SEMA5A: variants seen among roughly 807,000 people sequenced by gnomAD.
The protein encoded by SEMA5A is semaphorin 5A.
SEMA5A carries 55 observed loss-of-function variants against 135.5 expected under a neutral mutation model. The observed-to-expected ratio is 0.41, with a 90% CI of 0.33 to 0.51. SEMA5A has a LOEUF of 0.51. Among genes scored for constraint, SEMA5A ranks in the 20% least tolerant of loss-of-function variants. The pLI, the probability that SEMA5A is intolerant of heterozygous loss-of-function variation, is 0.37. For synonymous variants in SEMA5A, 580 were observed against 546.5 expected (o/e 1.06, Z -0.85); for missense variants, 1,290 against 1,419.9 (o/e 0.91, Z 1.47).
At chr5:9,346,748 C>T (rs907741609) in intron 3 of SEMA5A, among the ~76,000 whole-genome samples, 2 of 152,160 alleles carry the variant, frequency 1.3e-5, no homozygotes, top group African/African-American at 4.8e-5. Flanking sequence ...TTGCACACTC[C>T]CTCCCACAGG....
chr5:9,468,031 C>T (rs1173885546), intron 1 of SEMA5A, among the ~76,000 whole-genome samples: 2 of 152,122 alleles, frequency 1.3e-5, no homozygotes, highest in Non-Finnish European at 2.9e-5. Flanking sequence ...AGAGGACTTG[C>T]TCAGGGCTAC....
intron 5 of SEMA5A, among the ~76,000 whole-genome samples, chr5:9,252,085 T>C (rs1748826309): frequency 6.6e-6 from 1 of 152,200 alleles, no homozygotes; most frequent in Admixed American, 6.5e-5. Context: ...GATTCCTAAT[T>C]CCTTCCTGTC....
chr5:9,106,867 A>G (rs1164877448), intron 16 of SEMA5A, among the ~76,000 whole-genome samples: 1 of 152,228 alleles, frequency 6.6e-6, no homozygotes, highest in Non-Finnish European at 1.5e-5. Context: ...GTACTAGACT[A>G]TATGAGAGCT....
At chr5:9,434,360 T>G in intron 2 of SEMA5A, among the ~76,000 whole-genome samples, 1 of 152,136 alleles carries the variant, frequency 6.6e-6, no homozygotes, top group Non-Finnish European at 1.5e-5. Flanking sequence ...AATAGAGGCA[T>G]TATAGTTGAA....
chr5:9,427,267 C>T (rs1428973377), intron 2 of SEMA5A, among the ~76,000 whole-genome samples: 18 of 151,812 alleles, frequency 1.2e-4, no homozygotes, highest in African/African-American at 3.1e-4. Flanking sequence ...GCCGAGATCC[C>T]GCCACTGCTC....
rs1001461459 is a variant in SEMA5A, at chr5:9,535,563, T to C, written c.-175+10021A>G. Among the ~76,000 whole-genome samples, 4 of 118,210 alleles carry C rather than the reference T, an allele frequency of 3.4e-5. No homozygotes were observed. The East Asian group carries it at 9.4e-4, about 28-fold the overall frequency. The allele number at this position is 118,210 out of a possible 152,430, so 77.6% of individuals were successfully genotyped here. ...TAGAAAAAAATACTAGTTTAAAGTA[T>C]GTGTTGTTTAAAAAAAAAATGCAGG... On this transcript the variant is annotated intron_variant, in intron 1 of 22. Coordinates refer to ENST00000382496, the MANE Select transcript of SEMA5A (RefSeq NM_003966.3).
chr5:9,438,965 G>T (rs1023755851), intron 1 of SEMA5A, among the ~76,000 whole-genome samples: 2 of 152,214 alleles, frequency 1.3e-5, no homozygotes, highest in African/African-American at 4.8e-5. Context: ...ACAGGTCAAG[G>T]TGGCACTGCC....
At position 9,162,139 on chromosome 5, in the gene SEMA5A, C is replaced by A. The variant is rs552836729; in HGVS notation, c.1274-7444G>T. 2.0e-3 allele frequency among the ~76,000 whole-genome samples: 303 copies of A among 152,146 alleles called. 2 individuals carry two copies. The highest frequency in any genetic ancestry group is 2.4e-3 in the Non-Finnish European group (166 of 68,002). ...TTGCTTTGTAGAGTTTTCTATCTAC[C>A]AAGAAGTCAAGTTAGTTCCTACTTT... On this transcript the variant is annotated intron_variant, in intron 11 of 22. Coordinates refer to ENST00000382496, the MANE Select transcript of SEMA5A (RefSeq NM_003966.3).
At chr5:9,380,771 TG>T (rs1291432293) in intron 2 of SEMA5A, among the ~76,000 whole-genome samples, 18 of 152,308 alleles carry the variant, frequency 1.2e-4, no homozygotes, top group African/African-American at 3.4e-4. Flanking sequence ...TAATCCAAGC[TG>T]TTAGCAAACC....
chr5:9,193,925 C>T (rs915620160), intron 10 of SEMA5A, among the ~76,000 whole-genome samples: 1 of 152,128 alleles, frequency 6.6e-6, no homozygotes, highest in South Asian at 2.1e-4. Flanking sequence ...AACAAATCTG[C>T]TTTGCATATC....
chr5:9,162,382 ATG>A (rs1221606161), intron 11 of SEMA5A, among the ~76,000 whole-genome samples: 55,912 of 128,922 alleles, frequency 0.43, 11,822 homozygotes, highest in Non-Finnish European at 0.5. Flanking sequence ...TCAAACAAAC[ATG>A]TGTGTGTGTG....
intron 1 of SEMA5A, chr5:9,498,823 C>T (rs538160398): frequency 3.0e-4 from 45 of 152,224 alleles, no homozygotes; most frequent in African/African-American, 1.1e-3. Context: ...ATATATATGG[C>T]ATGTTTAGCA....
chr5:9,232,329 T>A (rs1481792190), intron 6 of SEMA5A, among the ~76,000 whole-genome samples: 1 of 152,176 alleles, frequency 6.6e-6, no homozygotes, highest in Non-Finnish European at 1.5e-5. Flanking sequence ...GTGCTCCCAG[T>A]GAAATCAATG....
chr5:9,348,166 C>T (rs1476208861), intron 3 of SEMA5A, among the ~76,000 whole-genome samples: 1 of 152,214 alleles, frequency 6.6e-6, no homozygotes, highest in East Asian at 1.9e-4. Flanking sequence ...AGTTCAAAAT[C>T]TGCCTCACAG....
Position 9,417,512 on chromosome 5 carries a change from T to C in SEMA5A, c.-78+20244A>G, listed in dbSNP as rs180935946. On this transcript the variant is annotated intron_variant, in intron 2 of 22. Coordinates refer to ENST00000382496, the MANE Select transcript of SEMA5A (RefSeq NM_003966.3). Reference sequence around the variant, plus strand: ...CTCAGTTACTCCTTAGCACCTCCTATATTTGCAATGCAGGACCCAGTGATT... The same window carrying C: ...CTCAGTTACTCCTTAGCACCTCCTACATTTGCAATGCAGGACCCAGTGATT... 3.9e-5 allele frequency among the ~76,000 whole-genome samples: 6 copies of C among 152,362 alleles called. No homozygotes were observed. The East Asian group carries it at 1.2e-3, about 29-fold the overall frequency.
Position 9,054,252 on chromosome 5 carries a change from C to T in SEMA5A, c.2524G>A (p.Gly842Ser). 1 of 1,612,530 alleles carries T rather than the reference C, an allele frequency of 6.2e-7. No individual in the cohort carries two copies. The highest frequency in any genetic ancestry group is 8.5e-7 in the Non-Finnish European group (1 of 1,179,344). ...CAGGGGGACCAGCAAGACCACACGC[C>T]ATCCACTGTGAAGAAACACAATGTC... ...ECNILPCPVD[G>S]VWSCWSPWTK... Residue 842 changes from glycine to serine, a missense_variant, in exon 19 of 23, where the codon GGC (glycine) becomes AGC (serine). Physicochemically the swap from Gly to Ser is moderately conservative, Grantham distance 56 (BLOSUM62 0). This residue lies in a region of SEMA5A where 1,029 missense variants were observed against 1,086.6 expected (regional missense o/e 0.95). Coordinates refer to ENST00000382496, the MANE Select transcript of SEMA5A (RefSeq NM_003966.3).
intron 16 of SEMA5A, among the ~76,000 whole-genome samples, chr5:9,079,079 T>G (rs113813418): frequency 0.017 from 2,661 of 152,270 alleles, 84 homozygotes; most frequent in African/African-American, 0.061. Flanking sequence ...GCTTTTTACC[T>G]GAAAATTAAT....
In SEMA5A at chr5:9,221,334, G is replaced by C. The variant is rs530805245; in HGVS notation, c.646+3340C>G. Among the ~76,000 whole-genome samples the C allele has an allele frequency of 3.1e-3, 392 of 125,302 alleles. 1 individual carries two copies. The highest frequency in any genetic ancestry group is 4.0e-3 in the Non-Finnish European group (254 of 62,898). 82.2% of individuals were successfully genotyped at this position (125,302 alleles called of 152,430 possible). ...TTTTTTTTTTTTGAGACGGAGTCTC[G>C]CTGTGTCACCCAGGCTGGAGTGCAG... On this transcript the variant is annotated intron_variant, in intron 8 of 22. Transcript: ENST00000382496.
chr5:9,149,318 A>G (rs572300572), intron 12 of SEMA5A, among the ~76,000 whole-genome samples: 1 of 152,072 alleles, frequency 6.6e-6, no homozygotes, highest in African/African-American at 2.4e-5. Flanking sequence ...ATGCTGATCC[A>G]CTCCACACAG....
Sources: gnomAD v4.1 joint callset for allele counts (sites outside exome capture counted in the v4.1 genomes callset) on GRCh38, gnomAD v4.1.1 for gene constraint, gnomAD v4.1.1 regional missense constraint, MANE v1.5 for transcripts, NCBI Gene and HGNC (gene_info 2026-07-23, HGNC 2026-07-21) for gene names.